Variants in MGST1 observed in about 807,000 individuals in gnomAD.
MGST1 encodes the protein microsomal glutathione S-transferase 1.
Under a neutral mutation model 8.9 loss-of-function variants are expected in MGST1, and 5 were observed. That is an observed-to-expected ratio of 0.56 (90% confidence interval 0.29 to 1.19). The LOEUF (loss-of-function observed/expected upper bound fraction) is 1.19, where lower values mean the gene tolerates loss of function less well. Ranked by LOEUF, MGST1 falls within the 50% of genes most tolerant of loss-of-function variation. The pLI, the probability that MGST1 is intolerant of heterozygous loss-of-function variation, is 0.08. For missense variants in MGST1, 182 were observed against 187.4 expected (o/e 0.97, Z 0.17); for synonymous variants, 54 against 67.8 (o/e 0.80, Z 1.00).
intron 1 of MGST1, chr12:16,399,680 G>A (rs576475724): frequency 1.3e-4 from 196 of 1,461,762 alleles, no homozygotes; most frequent in Middle Eastern, 1.8e-4. Flanking sequence ...CACCTTGTTC[G>A]AAAAAGCCCT....
intron 4 of MGST1, among the ~76,000 whole-genome samples, chr12:16,526,017 T>C (rs369117842): frequency 6.8e-6 from 1 of 146,982 alleles, no homozygotes; most frequent in East Asian, 2.0e-4. Context: ...TAAATTTGTT[T>C]GAGTTCATTG....
intron 4 of MGST1, among the ~76,000 whole-genome samples, chr12:16,535,696 T>C (rs1309154890): frequency 1.3e-5 from 2 of 152,178 alleles, no homozygotes; most frequent in Admixed American, 6.5e-5. Context: ...TGGTCCTCAT[T>C]AGCAATGGCT....
At chr12:16,556,898 A>G (rs1389757051) in intron 4 of MGST1, among the ~76,000 whole-genome samples, 1 of 152,230 alleles carries the variant, frequency 6.6e-6, no homozygotes, top group Non-Finnish European at 1.5e-5. Context: ...ATGCAGTCCC[A>G]TTATGGCATG....
rs146023909 is a variant in MGST1, at chr12:16,554,806, G to A, written n.483-34722G>A. 9.4e-3 allele frequency among the ~76,000 whole-genome samples: 1,434 copies of A among 152,174 alleles called. 63 individuals carry two copies. Among genetic ancestry groups the A allele is most frequent in the Admixed American group, 0.077 (1,182 of 15,290 alleles). On this transcript the variant is annotated intron_variant and non_coding_transcript_variant, in intron 4 of 4. Transcript: ENST00000538857. ...CCAGTAGCTCTGACTACAGGCGCCC[G>A]CCACCTCGACCGGCTCATTTTTTTG...
rs1941850355 is a variant in MGST1 at position 16,547,980 on chromosome 12, T to C, written n.483-41548T>C. On this transcript the variant is annotated intron_variant and non_coding_transcript_variant, in intron 4 of 4. Transcript: ENST00000538857. This position sits in a 1 kb window ranked among gnomAD's most constrained non-coding sequence, Gnocchi z 4.6. ...TTTCAGTGCCCTGTTTCAGTTAAGG[T>C]GCAACATCTCTTCTGTAAAAATGTA... Among the ~76,000 whole-genome samples the C allele has an allele frequency of 6.6e-6, 1 of 152,168 alleles. No homozygotes were observed. The highest frequency in any genetic ancestry group is 2.1e-4 in the South Asian group (1 of 4,826).
At chr12:16,378,925 C>T (rs1454160156), downstream of MGST1, among the ~76,000 whole-genome samples, 2 of 152,010 alleles carry the variant, frequency 1.3e-5, no homozygotes, top group Non-Finnish European at 2.9e-5. Context: ...AATGGGAGTT[C>T]ACTCATGATT....
chr12:16,406,662 A>G (rs1317661573), intron 1 of MGST1, among the ~76,000 whole-genome samples: 1 of 152,250 alleles, frequency 6.6e-6, no homozygotes, highest in Non-Finnish European at 1.5e-5. Flanking sequence ...AAACTATACT[A>G]CAGGGCTACA....
downstream of MGST1, among the ~76,000 whole-genome samples, chr12:16,590,844 C>A (rs1000321476): frequency 2.0e-5 from 3 of 152,004 alleles, no homozygotes; most frequent in African/African-American, 7.2e-5. Flanking sequence ...GGCAACAGAT[C>A]ATCACGTGAC....
intron 1 of MGST1, among the ~76,000 whole-genome samples, chr12:16,415,097 C>A (rs1289049621): frequency 6.6e-6 from 1 of 152,124 alleles, no homozygotes; most frequent in Non-Finnish European, 1.5e-5. Flanking sequence ...ATGTAAGGGA[C>A]TGGAACATTA....
chr12:16,486,340 G>A (rs765132730), intron 4 of MGST1, among the ~76,000 whole-genome samples: 16 of 152,162 alleles, frequency 1.1e-4, no homozygotes, highest in East Asian at 3.9e-4. Flanking sequence ...GCTATTAATC[G>A]AAAATTGATG....
chr12:16,353,873 C>T (rs1461797313), intron 1 of MGST1, among the ~76,000 whole-genome samples: 1 of 150,816 alleles, frequency 6.6e-6, no homozygotes, highest in South Asian at 2.1e-4. Flanking sequence ...AATTCTCCTG[C>T]CTCAGTCTCA....
intron 4 of MGST1, among the ~76,000 whole-genome samples, chr12:16,495,531 G>T (rs902663693): frequency 6.6e-6 from 1 of 152,008 alleles, no homozygotes; most frequent in Non-Finnish European, 1.5e-5. Context: ...AGGTGATTTG[G>T]AACTTTGATG....
intron 1 of MGST1, 45 bp from the exon 2 acceptor site, chr12:16,354,186 G>A (rs1939601546): frequency 7.3e-7 from 1 of 1,371,556 alleles, no homozygotes; most frequent in Non-Finnish European, 9.9e-7. Context: ...AGTTATTTTG[G>A]GTATTTATGT....
intron 4 of MGST1, among the ~76,000 whole-genome samples, chr12:16,524,316 T>A (rs1364838648): frequency 6.6e-6 from 1 of 152,056 alleles, no homozygotes; most frequent in East Asian, 1.9e-4. Flanking sequence ...GGTTCAGAAC[T>A]TTTTTGTTAA....
chr12:16,572,339 C>T (rs1418828912), intron 4 of MGST1, among the ~76,000 whole-genome samples: 36 of 89,536 alleles, frequency 4.0e-4, no homozygotes, highest in African/African-American at 7.5e-4. Flanking sequence ...GGTCCAAACT[C>T]TTTTTTTTTT....
chr12:16,499,063 G>A (rs1193094250), intron 4 of MGST1, among the ~76,000 whole-genome samples: 1 of 152,118 alleles, frequency 6.6e-6, no homozygotes. Context: ...GATACTTCAT[G>A]AAAAGTAATT....
At chr12:16,557,303 A>T (rs1350492118) in intron 4 of MGST1, among the ~76,000 whole-genome samples, 1 of 152,106 alleles carries the variant, frequency 6.6e-6, no homozygotes, top group African/African-American at 2.4e-5. Context: ...ACCACCAGGG[A>T]TCAAATAAAT....
At chr12:16,490,491 T>G (rs1434569049) in intron 4 of MGST1, among the ~76,000 whole-genome samples, 1 of 152,228 alleles carries the variant, frequency 6.6e-6, no homozygotes, top group South Asian at 2.1e-4. Context: ...AGGTTGTTTT[T>G]TTACAAAGCA....
chr12:16,471,073 C>G (rs1941287358), intron 4 of MGST1, among the ~76,000 whole-genome samples: 1 of 152,082 alleles, frequency 6.6e-6, no homozygotes, highest in Non-Finnish European at 1.5e-5. Flanking sequence ...GATACTTTTC[C>G]CTGCTGCATT....
Sources: gnomAD v4.1 joint callset for allele counts (sites outside exome capture counted in the v4.1 genomes callset) on GRCh38, gnomAD v4.1.1 for gene constraint, Gnocchi (gnomAD v3.1) non-coding constraint, MANE v1.5 for transcripts, NCBI Gene and HGNC (gene_info 2026-07-23, HGNC 2026-07-21) for gene names.